Variants in RIMS2 observed in about 807,000 individuals in gnomAD.
RIMS2 encodes regulating synaptic membrane exocytosis 2.
RIMS2 carries 59 observed loss-of-function variants against 174.4 expected under a neutral mutation model. The observed-to-expected ratio is 0.34, with a 90% CI of 0.27 to 0.42. The LOEUF is 0.42. Ranked by LOEUF, RIMS2 falls within the 10% of genes least tolerant of loss-of-function variation. RIMS2 has a pLI of 1.00. For missense variants in RIMS2, 1,620 were observed against 1,666.3 expected (o/e 0.97, Z 0.48); for synonymous variants, 606 against 572.5 (o/e 1.06, Z -0.84).
chr8:104,074,348 A>G (rs889028170), intron 19 of RIMS2, among the ~76,000 whole-genome samples: 3 of 152,174 alleles, frequency 2.0e-5, no homozygotes, highest in African/African-American at 4.8e-5. Flanking sequence ...AGGTTTTGGT[A>G]TCTATTTTAT....
intron 1 of RIMS2, among the ~76,000 whole-genome samples, chr8:103,564,436 T>G (rs1018097927): frequency 6.6e-6 from 1 of 152,108 alleles, no homozygotes; most frequent in Admixed American, 6.5e-5. Flanking sequence ...AATCACAAGA[T>G]GAAGTCCCAC....
chr8:104,155,137 C>G (rs939596321), intron 19 of RIMS2, among the ~76,000 whole-genome samples: 2 of 151,936 alleles, frequency 1.3e-5, no homozygotes, highest in South Asian at 2.1e-4. Flanking sequence ...GATGGAGTCT[C>G]GCTCTGTCTC....
At chr8:103,918,553 T>C in intron 9 of RIMS2, 66 bp downstream of exon 12, 3 of 1,041,796 alleles carry the variant, frequency 2.9e-6, no homozygotes, top group Non-Finnish European at 4.5e-6. Flanking sequence ...TCAGATGAAG[T>C]ATTTAACTAG....
intron 1 of RIMS2, among the ~76,000 whole-genome samples, chr8:103,552,457 A>T (rs945515053): frequency 6.6e-6 from 1 of 152,336 alleles, no homozygotes; most frequent in Non-Finnish European, 1.5e-5. Flanking sequence ...TTCAAGATGG[A>T]TTAAAGACTT....
At chr8:104,008,085 G>A (rs4446703) in intron 17 of RIMS2, among the ~76,000 whole-genome samples, 34,345 of 151,936 alleles carry the variant, frequency 0.23, 4,030 homozygotes, top group South Asian at 0.35. Flanking sequence ...TAATACAATA[G>A]CAATTCATAA....
At chr8:104,058,951 A>G (rs2096925369) in intron 19 of RIMS2, among the ~76,000 whole-genome samples, 1 of 152,146 alleles carries the variant, frequency 6.6e-6, no homozygotes, top group Non-Finnish European at 1.5e-5. Flanking sequence ...TATCAGTACC[A>G]TGCTGTTTTG....
chr8:103,849,765 G>C (rs557212983), intron 3 of RIMS2, among the ~76,000 whole-genome samples: 3 of 151,812 alleles, frequency 2.0e-5, no homozygotes, highest in Admixed American at 1.3e-4. Context: ...ACTGGTAAAG[G>C]GTATCTGTAA....
chr8:103,990,252 C>T (rs961560455), intron 17 of RIMS2, among the ~76,000 whole-genome samples: 3 of 152,018 alleles, frequency 2.0e-5, no homozygotes, highest in African/African-American at 7.2e-5. Flanking sequence ...TTACTGTTTA[C>T]ATTTAAACAC....
At chr8:103,839,159 A>G (rs936872583) in intron 3 of RIMS2, among the ~76,000 whole-genome samples, 12 of 152,264 alleles carry the variant, frequency 7.9e-5, no homozygotes, top group Non-Finnish European at 1.3e-4. Context: ...TCATTGTGTT[A>G]TTTTAAAGCT....
At chr8:103,994,081 A>T (rs943187311) in intron 17 of RIMS2, among the ~76,000 whole-genome samples, 2 of 151,460 alleles carry the variant, frequency 1.3e-5, no homozygotes, top group Non-Finnish European at 2.9e-5. Context: ...AATAAAAAAA[A>T]TGTTTTTGCA....
intron 3 of RIMS2, among the ~76,000 whole-genome samples, chr8:103,828,723 T>C (rs2098806846): frequency 6.6e-6 from 1 of 152,134 alleles, no homozygotes; most frequent in South Asian, 2.1e-4. Context: ...CTTTAATCCA[T>C]CTTAAGTTGA....
chr8:103,815,222 C>A (rs539169607), intron 3 of RIMS2, among the ~76,000 whole-genome samples: 1 of 152,218 alleles, frequency 6.6e-6, no homozygotes, highest in South Asian at 2.1e-4. Context: ...AAATGTTGTA[C>A]CAATGTACAC....
chr8:103,626,704 A>G (rs1276812707), intron 1 of RIMS2, among the ~76,000 whole-genome samples: 1 of 152,220 alleles, frequency 6.6e-6, no homozygotes, highest in Admixed American at 6.5e-5. Flanking sequence ...AATAAAGAGA[A>G]AGAGTACAAA....
intron 1 of RIMS2, among the ~76,000 whole-genome samples, chr8:103,637,550 G>A (rs2096117871): frequency 6.6e-6 from 1 of 152,136 alleles, no homozygotes; most frequent in African/African-American, 2.4e-5. Context: ...TGTGGGCCTG[G>A]AGTTTTTTGT....
rs528522772 is a variant in RIMS2 at position 103,601,776 on chromosome 8, A to G, written c.177-95310A>G. ...GAAAGTGATTTCCTCTGGTTTTATGATTTACTTTTTGCTTTTTATTTTTTA... is the reference window on the plus strand; with the variant it reads ...GAAAGTGATTTCCTCTGGTTTTATGGTTTACTTTTTGCTTTTTATTTTTTA... On this transcript the variant is annotated intron_variant, in intron 1 of 23. Transcript: ENST00000504942. Among the ~76,000 whole-genome samples the G allele has an allele frequency of 2.6e-4, 38 of 148,198 alleles. No individual in the cohort carries two copies. The South Asian group carries it at 4.3e-3, about 17-fold the overall frequency.
At chr8:103,810,260 G>C (rs1338590837) in intron 3 of RIMS2, among the ~76,000 whole-genome samples, 1 of 152,094 alleles carries the variant, frequency 6.6e-6, no homozygotes, top group African/African-American at 2.4e-5. Flanking sequence ...AATTGTATTA[G>C]TTCTAGTGGC....
At chr8:103,624,190 T>C (rs2095717488) in intron 1 of RIMS2, among the ~76,000 whole-genome samples, 1 of 152,212 alleles carries the variant, frequency 6.6e-6, no homozygotes. Context: ...GTGTTTCCAG[T>C]TGAGATTAGC....
chr8:103,985,470 T>C (rs2094279647), intron 16 of RIMS2, among the ~76,000 whole-genome samples: 1 of 75,882 alleles, frequency 1.3e-5, no homozygotes, highest in South Asian at 4.7e-4. Context: ...CAAGACTCTG[T>C]CTCAAAAAAA....
At chr8:103,881,660 C>T (rs973653280) in intron 3 of RIMS2, among the ~76,000 whole-genome samples, 1 of 151,456 alleles carries the variant, frequency 6.6e-6, no homozygotes, top group African/African-American at 2.4e-5. Context: ...ATGTGTTATA[C>T]AAGCTAGAAT....
Sources: gnomAD v4.1 joint callset for allele counts (sites outside exome capture counted in the v4.1 genomes callset) on GRCh38, gnomAD v4.1.1 for gene constraint, MANE v1.5 for transcripts, NCBI Gene and HGNC (gene_info 2026-07-23, HGNC 2026-07-21) for gene names.